WIPI1: variants seen among roughly 807,000 people sequenced by gnomAD.
WIPI1 encodes WD repeat domain phosphoinositide-interacting protein 1.
In WIPI1, 45 loss-of-function variants were observed where a neutral mutation model predicts 55.3. The ratio of observed to expected loss-of-function variants is 0.81; its 90% CI spans 0.64 to 1.04. The LOEUF (loss-of-function observed/expected upper bound fraction) is 1.04, where lower values mean the gene tolerates loss of function less well. WIPI1 is among the 50% of genes least tolerant of loss of function. The pLI is 0.00. For missense variants in WIPI1, 445 were observed against 559.0 expected (o/e 0.80, Z 2.06); for synonymous variants, 195 against 217.6 (o/e 0.90, Z 0.92).
At chr17:68,437,005 A>AATATATATAT (rs1555801305) in intron 4 of WIPI1, among the ~76,000 whole-genome samples, 2,667 of 107,006 alleles carry the variant, frequency 0.025, 53 homozygotes, top group Middle Eastern at 0.048. Context: ...AAAAAAAAAA[A>AATATATATAT]ATATATATAT....
At chr17:68,449,744 C>CAGA (rs2084425640) in intron 3 of WIPI1, among the ~76,000 whole-genome samples, 1 of 152,220 alleles carries the variant, frequency 6.6e-6, no homozygotes, top group African/African-American at 2.4e-5. Context: ...GTACAGCCTG[C>CAGA]AGAACCTTGA....
At chr17:68,434,457 G>T in intron 7 of WIPI1, 99 bp downstream of exon 7, 2 of 1,211,472 alleles carry the variant, frequency 1.7e-6, no homozygotes, top group Non-Finnish European at 2.3e-6. Flanking sequence ...GTGAGTGGAG[G>T]GCACAGAGCC....
chr17:68,453,490 T>A (rs2084567773), intron 1 of WIPI1, among the ~76,000 whole-genome samples: 1 of 150,854 alleles, frequency 6.6e-6, no homozygotes, highest in Admixed American at 6.6e-5. Context: ...TTTTTTTTTT[T>A]TTTTTTGAGA....
Position 68,453,140 on chromosome 17 carries a change from T to A in WIPI1, c.81-148A>T, listed in dbSNP as rs930384884. 3 of 577,470 alleles carry A rather than the reference T, an allele frequency of 5.2e-6. No individual in the cohort carries two copies. In the East Asian group the frequency reaches 8.6e-5, roughly 17 times the overall value. 35.8% of individuals were successfully genotyped at this position (577,470 alleles called of 1,614,324 possible). A position where few individuals can be genotyped will look rare whatever the true frequency, so the allele number is the denominator to read the frequency against. On this transcript the variant is annotated intron_variant, in intron 1 of 12. Transcript: ENST00000262139. ...AGATCCTTGGTAACTTCCTAAATGG[T>A]GACGCATGTCTTGACAGGCAGGAAG...
chr17:68,426,242 T>TGA, intron 11 of WIPI1, 67 bp from the exon 12 acceptor site: 1 of 668,998 alleles, frequency 1.5e-6, no homozygotes, highest in Non-Finnish European at 2.2e-6. Context: ...ACCTGGCGGG[T>TGA]GGGGAGCGGG....
At chr17:68,441,383 A>T (rs2084069851) in intron 4 of WIPI1, among the ~76,000 whole-genome samples, 1 of 152,254 alleles carries the variant, frequency 6.6e-6, no homozygotes, top group Non-Finnish European at 1.5e-5. Context: ...GTCAAAATGC[A>T]TTCAGGATTT....
chr17:68,421,739 G>C lies in WIPI1; in HGVS notation c.*34C>G, dbSNP rs1299377578. On this transcript the variant is annotated 3_prime_UTR_variant, in exon 13 of 13. Coordinates refer to ENST00000262139, the MANE Select transcript of WIPI1 (RefSeq NM_017983.7). ...TGTTTTCTCCAAAACCACCTGATAG[G>C]GGGGATGTCCTGATTTCTGAGGTGT... 4 of 1,614,080 alleles carry C rather than the reference G, an allele frequency of 2.5e-6. No homozygotes were observed. Among genetic ancestry groups the C allele is most frequent in the Non-Finnish European group, 3.4e-6 (4 of 1,179,974 alleles).
In WIPI1 at chr17:68,430,210, C is replaced by G. The variant is rs559685779; in HGVS notation, c.801-50G>C. ...ATGGGACTGGGCTGCAGGCCCCACA[C>G]GCACCCAGGAATCTCCACACCCAAG... On this transcript the variant is annotated intron_variant, in intron 8 of 12. Coordinates refer to ENST00000262139, the MANE Select transcript of WIPI1 (RefSeq NM_017983.7). 6.4e-6 allele frequency: 10 copies of G among 1,553,740 alleles called. No homozygotes were observed. The East Asian group carries it at 2.0e-4, about 31-fold the overall frequency.
At chr17:68,450,657 A>G (rs1203747598) in intron 3 of WIPI1, 71 bp downstream of exon 3, 261 of 1,523,708 alleles carry the variant, frequency 1.7e-4, no homozygotes, top group Non-Finnish European at 2.3e-4. Context: ...ATTGATCTTG[A>G]AAGATGTCCA....
rs2083375457 is a variant in WIPI1 at position 68,428,825 on chromosome 17, T to C, written c.1073+4A>G. 1.9e-6 allele frequency: 3 copies of C among 1,610,670 alleles called. No homozygotes were observed. Among genetic ancestry groups the C allele is most frequent in the Non-Finnish European group, 2.5e-6 (3 of 1,176,914 alleles). ...GGCTGTCTTTTGAAAAGCAGTCTCT[T>C]CACCTGTGGGTTTTGATTAAGACAC... On this transcript the variant is annotated splice_donor_region_variant and intron_variant, in intron 10 of 12. Transcript: ENST00000262139.
intron 4 of WIPI1, among the ~76,000 whole-genome samples, chr17:68,438,875 C>T (rs1016488171): frequency 1.3e-4 from 20 of 152,248 alleles, no homozygotes; most frequent in Admixed American, 5.9e-4. Flanking sequence ...GCTGGGATTA[C>T]AGGCGTGAGC....
rs1024250767 is a variant in WIPI1 at position 68,421,705 on chromosome 17, C to T, written c.*68G>A. ...CTCACACAATTGCACTCCATTCTTC[C>T]GCCTTCCTTGTTTTCTCCAAAACCA... is the stretch of plus-strand genomic sequence containing the variant. On this transcript the variant is annotated 3_prime_UTR_variant, in exon 13 of 13. Transcript: ENST00000262139. The T allele has an allele frequency of 1.1e-5, 17 of 1,608,452 alleles. No individual in the cohort carries two copies. In the African/African-American group the frequency reaches 1.6e-4, roughly 15 times the overall value.
intron 3 of WIPI1, chr17:68,448,492 G>A (rs1026711205): frequency 1.3e-5 from 2 of 152,158 alleles, no homozygotes; most frequent in Admixed American, 6.5e-5. Flanking sequence ...TCTTTAGAAG[G>A]TGGGGGAGGA....
chr17:68,450,589 G>T, intron 3 of WIPI1, 139 bp downstream of exon 3: 1 of 1,161,692 alleles, frequency 8.6e-7, no homozygotes, highest in Non-Finnish European at 1.2e-6. Flanking sequence ...CAATACCCCC[G>T]GGACACGGGG....
chr17:68,446,649 G>C (rs1417049202), intron 3 of WIPI1, among the ~76,000 whole-genome samples: 1 of 152,210 alleles, frequency 6.6e-6, no homozygotes, highest in Non-Finnish European at 1.5e-5. Context: ...GCCGTGGTTA[G>C]AACTACGTGG....
intron 3 of WIPI1, among the ~76,000 whole-genome samples, chr17:68,448,681 C>T (rs1200316213): frequency 6.6e-6 from 1 of 152,174 alleles, no homozygotes; most frequent in Non-Finnish European, 1.5e-5. Context: ...CTTTACAGAT[C>T]ATTTGCCTAA....
chr17:68,422,663 AG>A (rs1251924346), intron 12 of WIPI1: 1 of 127,560 alleles, frequency 7.8e-6, no homozygotes, highest in Non-Finnish European at 1.6e-5. Context: ...TAGGAGGTGG[AG>A]GTTGCAGTGA....
At chr17:68,437,493 G>A (rs1177230565) in intron 4 of WIPI1, among the ~76,000 whole-genome samples, 1 of 151,978 alleles carries the variant, frequency 6.6e-6, no homozygotes, top group Non-Finnish European at 1.5e-5. Context: ...GGTGGAGGCT[G>A]CAGTGAGTGA....
chr17:68,422,885 A>G (rs1224179095), intron 12 of WIPI1, among the ~76,000 whole-genome samples: 1 of 152,106 alleles, frequency 6.6e-6, no homozygotes, highest in African/African-American at 2.4e-5. Flanking sequence ...CATCCTCCCG[A>G]ATGTAGCAGC....
Sources: gnomAD v4.1 joint callset for allele counts (sites outside exome capture counted in the v4.1 genomes callset) on GRCh38, gnomAD v4.1.1 for gene constraint, MANE v1.5 for transcripts, NCBI Gene and HGNC (gene_info 2026-07-23, HGNC 2026-07-21) for gene names.